CDKAL1: variants seen among roughly 807,000 people sequenced by gnomAD.
CDKAL1 encodes the protein CDKAL1 threonylcarbamoyladenosine tRNA methylthiotransferase.
CDKAL1 carries 32 observed loss-of-function variants against 68.2 expected under a neutral mutation model. That is an observed-to-expected ratio of 0.47 (90% CI 0.35 to 0.63). The LOEUF (loss-of-function observed/expected upper bound fraction) is 0.63. Ranked by LOEUF, CDKAL1 falls within the 30% of genes least tolerant of loss-of-function variation. CDKAL1 has a pLI of 0.00. For synonymous variants in CDKAL1, 234 were observed against 244.3 expected (o/e 0.96, Z 0.39); for missense variants, 606 against 696.7 (o/e 0.87, Z 1.47).
At chr6:20,676,834 G>A (rs1770138292) in intron 5 of CDKAL1, among the ~76,000 whole-genome samples, 2 of 152,030 alleles carry the variant, frequency 1.3e-5, no homozygotes, top group South Asian at 2.1e-4. Context: ...TAGCCTAGGA[G>A]CAATAGTCTG....
intron 13 of CDKAL1, among the ~76,000 whole-genome samples, chr6:21,148,916 A>C (rs1776291163): frequency 6.6e-6 from 1 of 152,210 alleles, no homozygotes; most frequent in Admixed American, 6.5e-5. Context: ...TGAAGACTGA[A>C]TTTTTAGTTA....
intron 9 of CDKAL1, among the ~76,000 whole-genome samples, chr6:20,914,889 C>T (rs1762651339): frequency 6.6e-6 from 1 of 152,096 alleles, no homozygotes; most frequent in South Asian, 2.1e-4. Flanking sequence ...GTATTGCTCA[C>T]CTCTAAACTC....
At chr6:20,724,165 T>C (rs1772529552) in intron 5 of CDKAL1, among the ~76,000 whole-genome samples, 1 of 152,166 alleles carries the variant, frequency 6.6e-6, no homozygotes, top group Non-Finnish European at 1.5e-5. Context: ...CTCGAACTCC[T>C]GACCTCAAGT....
chr6:20,728,462 C>A (rs986146064), intron 5 of CDKAL1, among the ~76,000 whole-genome samples: 2 of 152,010 alleles, frequency 1.3e-5, no homozygotes, highest in Admixed American at 6.6e-5. Context: ...ATAGGTGACA[C>A]CCACAAAAGA....
At chr6:20,760,121 T>C (rs1774399222) in intron 7 of CDKAL1, among the ~76,000 whole-genome samples, 1 of 151,836 alleles carries the variant, frequency 6.6e-6, no homozygotes, top group African/African-American at 2.4e-5. Flanking sequence ...TTAATCTTTT[T>C]TTATTATTTT....
intron 8 of CDKAL1, among the ~76,000 whole-genome samples, chr6:20,812,408 T>C (rs538843497): frequency 9.2e-5 from 14 of 152,342 alleles, no homozygotes; most frequent in African/African-American, 3.1e-4. Flanking sequence ...TGACATGCTG[T>C]CAGTAGTCTT....
At chr6:21,109,963 A>G (rs1015536902) in intron 13 of CDKAL1, among the ~76,000 whole-genome samples, 1 of 152,222 alleles carries the variant, frequency 6.6e-6, no homozygotes, top group Non-Finnish European at 1.5e-5. Flanking sequence ...AGCCATTTGC[A>G]GCTTCTACCG....
chr6:21,077,413 C>T (rs1772131826), intron 12 of CDKAL1, among the ~76,000 whole-genome samples: 1 of 152,148 alleles, frequency 6.6e-6, no homozygotes, highest in Non-Finnish European at 1.5e-5. Flanking sequence ...AATATGTTAC[C>T]TTGCATGGTG....
intron 2 of CDKAL1, among the ~76,000 whole-genome samples, chr6:20,545,028 A>C (rs980187528): frequency 6.6e-6 from 1 of 151,884 alleles, no homozygotes; most frequent in African/African-American, 2.4e-5. Context: ...ATTATTATCT[A>C]AAACTTTTCT....
At chr6:21,027,304 T>C (rs1361347539) in intron 11 of CDKAL1, among the ~76,000 whole-genome samples, 2 of 152,320 alleles carry the variant, frequency 1.3e-5, no homozygotes, top group East Asian at 3.9e-4. Flanking sequence ...ACCTAACTTA[T>C]TCTCAGGAAC....
intron 11 of CDKAL1, among the ~76,000 whole-genome samples, chr6:21,031,536 A>G (rs1332615896): frequency 6.6e-6 from 1 of 151,758 alleles, no homozygotes; most frequent in Non-Finnish European, 1.5e-5. Flanking sequence ...GAGTTCGGGG[A>G]CCATCTTAGA....
At chr6:20,819,461 C>A (rs1777184035) in intron 8 of CDKAL1, among the ~76,000 whole-genome samples, 1 of 152,114 alleles carries the variant, frequency 6.6e-6, no homozygotes, top group African/African-American at 2.4e-5. Context: ...TTCTTATTGG[C>A]AAAATGTGTT....
intron 10 of CDKAL1, among the ~76,000 whole-genome samples, chr6:20,962,688 C>T (rs1396986693): frequency 6.6e-6 from 1 of 152,068 alleles, no homozygotes; most frequent in Non-Finnish European, 1.5e-5. Flanking sequence ...AGGGTTTATA[C>T]TTTCTGGAAT....
At chr6:20,834,773 T>C (rs1205984784) in intron 8 of CDKAL1, among the ~76,000 whole-genome samples, 1 of 152,182 alleles carries the variant, frequency 6.6e-6, no homozygotes, top group Non-Finnish European at 1.5e-5. Flanking sequence ...TAGCTTATTG[T>C]TTGAGAGTTC....
At chr6:20,600,745 G>T (rs1766046441) in intron 4 of CDKAL1, among the ~76,000 whole-genome samples, 1 of 96,274 alleles carries the variant, frequency 1.0e-5, no homozygotes, top group African/African-American at 3.7e-5. Flanking sequence ...AAAAAACCTG[G>T]ATGGAGAGAG....
intron 7 of CDKAL1, among the ~76,000 whole-genome samples, chr6:20,769,957 A>G (rs1425514306): frequency 1.3e-5 from 2 of 152,058 alleles, no homozygotes; most frequent in Admixed American, 1.3e-4. Flanking sequence ...AGTGAGGCCC[A>G]TTTATTATTT....
intron 13 of CDKAL1, among the ~76,000 whole-genome samples, 156 bp from the exon 14 acceptor site, chr6:21,197,865 G>C (rs1292969402): frequency 1.3e-5 from 2 of 152,144 alleles, no homozygotes; most frequent in Admixed American, 6.5e-5. Context: ...ATTTGAACAG[G>C]GTTCGCTGTT....
chr6:20,741,096 A>T (rs1010821180), intron 6 of CDKAL1, among the ~76,000 whole-genome samples: 2 of 152,094 alleles, frequency 1.3e-5, no homozygotes, highest in East Asian at 3.9e-4. Flanking sequence ...ATTTTTTAAA[A>T]TGCCATTGTG....
chr6:21,207,067 C>G (rs1032842158), intron 15 of CDKAL1, among the ~76,000 whole-genome samples: 2 of 152,028 alleles, frequency 1.3e-5, no homozygotes, highest in African/African-American at 4.8e-5. Context: ...CATGCACCAC[C>G]ACACCCAGCT....
Sources: allele counts gnomAD v4.1 joint callset (sites outside exome capture counted in the v4.1 genomes callset), GRCh38; gene constraint gnomAD v4.1.1; transcripts MANE v1.5; gene names NCBI Gene and HGNC (gene_info 2026-07-23, HGNC 2026-07-21).